ILRUN: variants seen among roughly 807,000 people sequenced by gnomAD.
ILRUN encodes protein ILRUN.
Under a neutral mutation model 33.8 loss-of-function variants are expected in ILRUN, and 3 were observed. That is an observed-to-expected ratio of 0.09 (90% CI 0.04 to 0.23). ILRUN has a LOEUF of 0.23. Among genes scored for constraint, ILRUN ranks in the 10% least tolerant of loss-of-function variants. ILRUN has a pLI of 1.00. For missense variants in ILRUN, 210 were observed against 375.1 expected, an observed-to-expected ratio of 0.56 and a Z score of 3.64; for synonymous variants, 124 against 138.9, an observed-to-expected ratio of 0.89 and a Z score of 0.75.
intron 1 of ILRUN, among the ~76,000 whole-genome samples, chr6:34,670,677 C>T (rs1198827145): frequency 2.0e-5 from 3 of 151,080 alleles, no homozygotes; most frequent in Non-Finnish European, 4.4e-5. Context: ...ATGGTGAAAC[C>T]CTGTCTCTAC....
intron 3 of ILRUN, among the ~76,000 whole-genome samples, chr6:34,611,810 G>C (rs922059952): frequency 6.6e-6 from 1 of 152,178 alleles, no homozygotes; most frequent in African/African-American, 2.4e-5. Context: ...CATAATTTAA[G>C]TTAAAGCAGA....
chr6:34,630,387 CTTTTG>C (rs989105540), intron 3 of ILRUN, among the ~76,000 whole-genome samples: 1 of 152,068 alleles, frequency 6.6e-6, no homozygotes, highest in African/African-American at 2.4e-5. Context: ...TTCTGGGCTT[CTTTTG>C]TTTTGTTTTT....
chr6:34,588,242 G>A lies in ILRUN; in HGVS notation c.*2323C>T. ...GTTTGTTCTTGGGAAGGGAGACAAG[G>A]TGCTTGGGACATTTAACTTGCCAAG... On this transcript the variant is annotated 3_prime_UTR_variant, in exon 5 of 5. Transcript: ENST00000374023. 1 of 398,778 alleles carries A rather than the reference G, an allele frequency of 2.5e-6. No homozygotes were observed. Among genetic ancestry groups the A allele is most frequent in the Non-Finnish European group, 4.4e-6 (1 of 226,162 alleles). 24.7% of individuals were successfully genotyped at this position (398,778 alleles called of 1,614,324 possible).
At chr6:34,613,782 A>G (rs1047871291) in intron 3 of ILRUN, among the ~76,000 whole-genome samples, 1 of 152,246 alleles carries the variant, frequency 6.6e-6, no homozygotes, top group Non-Finnish European at 1.5e-5. Context: ...GCATACATGT[A>G]TTATCTAGCT....
intron 1 of ILRUN, among the ~76,000 whole-genome samples, chr6:34,683,121 A>T (rs943503125): frequency 5.3e-5 from 8 of 149,958 alleles, no homozygotes; most frequent in South Asian, 2.1e-4. Flanking sequence ...GTCTCAAAAA[A>T]ATATATATAT....
intron 3 of ILRUN, among the ~76,000 whole-genome samples, chr6:34,609,080 A>C (rs1344547715): frequency 6.6e-6 from 1 of 152,254 alleles, no homozygotes; most frequent in Non-Finnish European, 1.5e-5. Context: ...AGCTACCTAG[A>C]AATAGAGATA....
rs893469451 is a variant in ILRUN, at chr6:34,618,554, G to A, written c.512-11650C>T. Among the ~76,000 whole-genome samples, 3 of 152,194 alleles carry A rather than the reference G, an allele frequency of 2.0e-5. No individual in the cohort carries two copies. The East Asian group carries it at 5.8e-4, about 29-fold the overall frequency. On this transcript the variant is annotated intron_variant, in intron 3 of 4. Coordinates refer to ENST00000374023, the MANE Select transcript of ILRUN (RefSeq NM_024294.4). ...TAGCTAGAACCCAAGCCCTACAAAA[G>A]ATGCTTCCCTCCTCCTTCCTGTTCC...
rs192586681 is a variant in ILRUN at position 34,676,604 on chromosome 6, G to T, written c.158+19842C>A. On this transcript the variant is annotated intron_variant, in intron 1 of 4. Coordinates refer to ENST00000374023, the MANE Select transcript of ILRUN (RefSeq NM_024294.4). Reference sequence around the variant, plus strand: ...TGCAGCCTCGACCTCCTGGGCTCAAGTGATCCAACTGCCTCAGCCTCCCAA... The same window carrying T: ...TGCAGCCTCGACCTCCTGGGCTCAATTGATCCAACTGCCTCAGCCTCCCAA... 4.3e-3 allele frequency among the ~76,000 whole-genome samples: 648 copies of T among 151,870 alleles called. 5 individuals carry two copies. The highest frequency in any genetic ancestry group is 0.015 in the African/African-American group (603 of 41,432).
At chr6:34,645,738 T>C (rs1342641427) in intron 3 of ILRUN, among the ~76,000 whole-genome samples, 2 of 151,982 alleles carry the variant, frequency 1.3e-5, no homozygotes, top group East Asian at 1.9e-4. Flanking sequence ...GGGTGTGGGG[T>C]TCAGAAAAGA....
intron 1 of ILRUN, among the ~76,000 whole-genome samples, chr6:34,689,527 T>C (rs560772014): frequency 6.6e-6 from 1 of 152,164 alleles, no homozygotes; most frequent in African/African-American, 2.4e-5. Flanking sequence ...TTCCTAAAAC[T>C]ACTATTTGAC....
chr6:34,643,922 G>A (rs1762520842), intron 3 of ILRUN, among the ~76,000 whole-genome samples: 1 of 152,144 alleles, frequency 6.6e-6, no homozygotes, highest in Non-Finnish European at 1.5e-5. Context: ...GGCTGGTCTT[G>A]AACTCCTGAC....
At chr6:34,663,280 G>A (rs1762926344) in intron 1 of ILRUN, among the ~76,000 whole-genome samples, 1 of 152,000 alleles carries the variant, frequency 6.6e-6, no homozygotes, top group African/African-American at 2.4e-5. Flanking sequence ...AAAATTATCT[G>A]GGTATAGTGG....
chr6:34,661,222 A>G (rs1478641204), intron 1 of ILRUN, among the ~76,000 whole-genome samples: 1 of 152,254 alleles, frequency 6.6e-6, no homozygotes, highest in Non-Finnish European at 1.5e-5. Flanking sequence ...AATAGTACAT[A>G]GTTATGTATG....
chr6:34,651,226 C>A (rs16892384), intron 2 of ILRUN, among the ~76,000 whole-genome samples: 25,545 of 152,112 alleles, frequency 0.17, 2,940 homozygotes, highest in African/African-American at 0.32. Flanking sequence ...ATGCAAAGCA[C>A]CTTGAAAGAT....
intron 1 of ILRUN, among the ~76,000 whole-genome samples, chr6:34,683,431 T>TATATACATATATATATACATATATATAC: frequency 4.3e-5 from 2 of 46,396 alleles, no homozygotes; most frequent in African/African-American, 3.3e-4. Flanking sequence ...TATATATACA[T>TATATACATATATATATACATATATATAC]ATATATATAC....
intron 3 of ILRUN, among the ~76,000 whole-genome samples, chr6:34,630,625 G>T (rs1021971929): frequency 6.6e-6 from 1 of 152,070 alleles, no homozygotes; most frequent in Non-Finnish European, 1.5e-5. Flanking sequence ...CTCGTGATCC[G>T]CCCGCCTTGG....
At position 34,614,234 on chromosome 6, in the gene ILRUN, A is replaced by T. The variant is rs538133534; in HGVS notation, c.512-7330T>A. ...TCAGGAGATCGAGACCATCCTGGCT[A>T]AAACGGTGAAATCCCGTCACTACTA... On this transcript the variant is annotated intron_variant, in intron 3 of 4. Coordinates refer to ENST00000374023, the MANE Select transcript of ILRUN (RefSeq NM_024294.4). Among the ~76,000 whole-genome samples the T allele has an allele frequency of 2.6e-5, 4 of 151,960 alleles. No homozygotes were observed. In the South Asian group the frequency reaches 8.3e-4, roughly 32 times the overall value.
intron 3 of ILRUN, among the ~76,000 whole-genome samples, chr6:34,621,339 A>G (rs1255929603): frequency 6.6e-6 from 1 of 152,190 alleles, no homozygotes; most frequent in Non-Finnish European, 1.5e-5. Flanking sequence ...AGCTAATAAA[A>G]GTAGAAGGAA....
intron 3 of ILRUN, among the ~76,000 whole-genome samples, chr6:34,612,361 G>A (rs956759026): frequency 6.6e-6 from 1 of 152,116 alleles, no homozygotes; most frequent in African/African-American, 2.4e-5. Flanking sequence ...AGCCTAGGAG[G>A]TCGAGGTTGT....
Sources: allele counts gnomAD v4.1 joint callset (sites outside exome capture counted in the v4.1 genomes callset), GRCh38; gene constraint gnomAD v4.1.1; transcripts MANE v1.5; gene names NCBI Gene and HGNC (gene_info 2026-07-23, HGNC 2026-07-21).